ESRRB: variants seen among roughly 807,000 people sequenced by gnomAD.
ESRRB encodes the protein estrogen related receptor beta.
ESRRB carries 16 observed loss-of-function variants against 46.0 expected under a neutral mutation model. The ratio of observed to expected loss-of-function variants is 0.35; its 90% CI spans 0.24 to 0.53. The LOEUF is 0.53. ESRRB is among the 20% of genes least tolerant of loss of function. The probability of loss-of-function intolerance (pLI) is 0.93; values close to 1 mark genes in which losing one functional copy is unlikely to be tolerated. For synonymous variants in ESRRB, 246 were observed against 259.6 expected (o/e 0.95, Z 0.50); for missense variants, 488 against 607.4 (o/e 0.80, Z 2.07).
At chr14:76,410,713 G>A (rs1457381234) in intron 1 of ESRRB, among the ~76,000 whole-genome samples, 1 of 152,088 alleles carries the variant, frequency 6.6e-6, no homozygotes, top group Non-Finnish European at 1.5e-5. Context: ...AAAGAGAGGG[G>A]GCTGTTCAGA....
chr14:76,458,425 GACACAC>G (rs58562150), intron 2 of ESRRB, among the ~76,000 whole-genome samples: 2,620 of 134,900 alleles, frequency 0.019, 30 homozygotes, highest in South Asian at 0.04. Flanking sequence ...CTCTCTCTCT[GACACAC>G]ACACACACAC....
At chr14:76,411,356 G>A (rs569077901) in intron 1 of ESRRB, among the ~76,000 whole-genome samples, 2 of 152,136 alleles carry the variant, frequency 1.3e-5, no homozygotes, top group South Asian at 2.1e-4. Flanking sequence ...GCCGAGGCAG[G>A]AGAATCACTT....
intron 5 of ESRRB, among the ~76,000 whole-genome samples, chr14:76,485,995 G>C (rs1595166583): frequency 6.6e-6 from 1 of 152,154 alleles, no homozygotes; most frequent in South Asian, 2.1e-4. Context: ...TGACATCCAG[G>C]GGGAGCTTGG....
rs189274922 is a variant in ESRRB, at chr14:76,482,419, C to A, written c.689-179C>A. ...CTTCCCTTGGAGGGATATTTCTCAA[C>A]AGCCCAGATCACCACTACCAGCAAC... On this transcript the variant is annotated intron_variant, in intron 4 of 6. Transcript: ENST00000644823. The surrounding 1 kb of genome is among the most constrained non-coding windows in gnomAD (Gnocchi z 4.3). Among the ~76,000 whole-genome samples the A allele has an allele frequency of 3.0e-4, 46 of 152,294 alleles. No homozygotes were observed. The highest frequency in any genetic ancestry group is 6.2e-4 in the Non-Finnish European group (42 of 68,028).
intron 3 of ESRRB, among the ~76,000 whole-genome samples, chr14:76,468,625 CCTCATCTT>C (rs1035511266): frequency 1.3e-5 from 2 of 150,144 alleles, no homozygotes; most frequent in African/African-American, 5.1e-5. Context: ...CCTGGTTAAA[CCTCATCTT>C]CACCACTTAT....
At chr14:76,471,193 T>C (rs1311299024) in intron 3 of ESRRB, among the ~76,000 whole-genome samples, 1 of 152,178 alleles carries the variant, frequency 6.6e-6, no homozygotes. Flanking sequence ...CCAAAATGTA[T>C]TTCAGATTCT....
chr14:76,490,364 G>C (rs12880920), intron 5 of ESRRB, among the ~76,000 whole-genome samples: 1 of 152,100 alleles, frequency 6.6e-6, no homozygotes. Flanking sequence ...CCTAATTTAA[G>C]TGCATGTATA....
At chr14:76,317,675 G>A (rs577121555) in intron 1 of ESRRB, among the ~76,000 whole-genome samples, 1 of 152,322 alleles carries the variant, frequency 6.6e-6, no homozygotes, top group East Asian at 1.9e-4. Context: ...CGGAAGGATG[G>A]CCCAGTGTGC....
rs566243007 is a variant in ESRRB, at chr14:76,408,091, C to T, written c.51-31250C>T. 1.1e-4 allele frequency among the ~76,000 whole-genome samples: 17 copies of T among 152,276 alleles called. No individual in the cohort carries two copies. In the South Asian group the frequency reaches 3.5e-3, roughly 32 times the overall value. On this transcript the variant is annotated intron_variant, in intron 1 of 6. Transcript: ENST00000644823. ...GTACAGTCTCGGGGCCCTGAGTCAA[C>T]AGGCGGGTTTGAGAGGACTTCAGGT... is the stretch of plus-strand genomic sequence containing the variant.
intron 1 of ESRRB, among the ~76,000 whole-genome samples, chr14:76,334,381 A>G (rs72729701): frequency 0.067 from 10,143 of 152,230 alleles, 486 homozygotes; most frequent in Admixed American, 0.093. Flanking sequence ...TGGGGTACGA[A>G]TCCTGGGCGG....
Position 76,498,933 on chromosome 14 carries a change from T to C in ESRRB, c.*475T>C, listed in dbSNP as rs1322608390. On this transcript the variant is annotated 3_prime_UTR_variant, in exon 7 of 7. Transcript: ENST00000644823. ...GGCAGGTACGCAAGGGACAACAGTA[T>C]CTTTCTTCCAGAGGTCCTACCTGCT... is the stretch of plus-strand genomic sequence containing the variant. The C allele has an allele frequency of 2.0e-6, 1 of 494,634 alleles. No individual in the cohort carries two copies. Among genetic ancestry groups the C allele is most frequent in the Admixed American group, 2.1e-5 (1 of 48,184 alleles). The allele number at this position is 494,634 out of a possible 1,614,324, so 30.6% of individuals were successfully genotyped here.
chr14:76,451,778 A>G (rs889974781), intron 2 of ESRRB, among the ~76,000 whole-genome samples: 1 of 140,906 alleles, frequency 7.1e-6, no homozygotes, highest in Non-Finnish European at 1.5e-5. Flanking sequence ...GTGGGCCACC[A>G]TGCCCAGCTA....
At chr14:76,492,641 C>T (rs1890274521) in intron 6 of ESRRB, among the ~76,000 whole-genome samples, 1 of 152,202 alleles carries the variant, frequency 6.6e-6, no homozygotes, top group African/African-American at 2.4e-5. Context: ...AAACCAAGGT[C>T]CTCTGATTCC....
chr14:76,372,871 T>A (rs944386297), upstream of ESRRB, among the ~76,000 whole-genome samples: 12 of 152,138 alleles, frequency 7.9e-5, no homozygotes, highest in Non-Finnish European at 2.9e-5. Context: ...TCTTTTAAGA[T>A]TTAGGAATTG....
intron 1 of ESRRB, among the ~76,000 whole-genome samples, chr14:76,434,521 G>A (rs572276821): frequency 3.3e-5 from 5 of 151,964 alleles, no homozygotes; most frequent in African/African-American, 9.6e-5. Context: ...TTAGCCAGGC[G>A]TGGAGTCACG....
chr14:76,478,398 C>T (rs963316041), intron 3 of ESRRB, among the ~76,000 whole-genome samples: 5 of 151,916 alleles, frequency 3.3e-5, no homozygotes, highest in Admixed American at 6.6e-5. Context: ...GCAGAGGTGG[C>T]AGCTGCCCAT....
At chr14:76,417,927 G>C (rs527810109) in intron 1 of ESRRB, among the ~76,000 whole-genome samples, 23 of 151,808 alleles carry the variant, frequency 1.5e-4, no homozygotes, top group East Asian at 1.4e-3. Flanking sequence ...GGCAGAGCCA[G>C]GTGGGGCTTT....
chr14:76,457,076 G>A (rs1440528831), intron 2 of ESRRB, among the ~76,000 whole-genome samples: 1 of 152,168 alleles, frequency 6.6e-6, no homozygotes, highest in Non-Finnish European at 1.5e-5. Flanking sequence ...GCTCTCTGCA[G>A]CTGTTCATGA....
Position 76,463,445 on chromosome 14 carries a change from G to GTTTTGTTTTTTT in ESRRB, c.577+788_577+789insGTTTTTTTTTTT, listed in dbSNP as rs1555342250. On this transcript the variant is annotated intron_variant, in intron 3 of 6. Coordinates refer to ENST00000644823, the MANE Select transcript of ESRRB (RefSeq NM_001379180.1). ...TGAAATTAGCATCACATGCTTCTTT[G>GTTTTGTTTTTTT]TTTTTTTTTTTTTTTTTTGGAGACG... 80 of 114,736 alleles carry GTTTTGTTTTTTT rather than the reference G, an allele frequency of 7.0e-4. 1 individual carries two copies. Among genetic ancestry groups the GTTTTGTTTTTTT allele is most frequent in the African/African-American group, 2.9e-3 (80 of 27,272 alleles). The allele number at this position is 114,736 out of a possible 1,614,324, so 7.1% of individuals were successfully genotyped here. A position where few individuals can be genotyped will look rare whatever the true frequency, so the allele number is the denominator to read the frequency against.
Sources: gnomAD v4.1 joint callset for allele counts (sites outside exome capture counted in the v4.1 genomes callset) on GRCh38, gnomAD v4.1.1 for gene constraint, Gnocchi (gnomAD v3.1) non-coding constraint, MANE v1.5 for transcripts, NCBI Gene and HGNC (gene_info 2026-07-23, HGNC 2026-07-21) for gene names.